Variants in DYRK3 observed in about 807,000 individuals in gnomAD.
DYRK3 encodes dual specificity tyrosine phosphorylation regulated kinase 3, also known as dual specificity tyrosine-phosphorylation-regulated kinase 3.
Under a neutral mutation model 40.8 loss-of-function variants are expected in DYRK3, and 30 were observed. The ratio of observed to expected loss-of-function variants is 0.74; its 90% CI spans 0.55 to 1.00. The LOEUF (loss-of-function observed/expected upper bound fraction) is 1.00. Ranked by LOEUF, DYRK3 falls within the 50% of genes least tolerant of loss-of-function variation. The pLI is 0.00. For synonymous variants in DYRK3, 272 were observed against 260.7 expected (o/e 1.04, Z -0.42); for missense variants, 699 against 731.5 (o/e 0.96, Z 0.51).
Position 206,651,444 on chromosome 1 carries a change from T to G in DYRK3, c.*2479T>G, listed in dbSNP as rs936662529. On this transcript the variant is annotated 3_prime_UTR_variant, in exon 3 of 3. Transcript: ENST00000367109. ...CTTCTTTCAACTACCAAGAAATGGA[T>G]GATTTCTCTGCCAACTCCAGGAAGT... 6.6e-6 allele frequency among the ~76,000 whole-genome samples: 1 copy of G among 152,262 alleles called. No individual in the cohort carries two copies. Among genetic ancestry groups the G allele is most frequent in the Middle Eastern group, 3.2e-3 (1 of 316 alleles).
rs565546671 is a variant in DYRK3 at position 206,650,966 on chromosome 1, T to C, written c.*2001T>C. 2.9e-4 allele frequency among the ~76,000 whole-genome samples: 44 copies of C among 152,310 alleles called. No homozygotes were observed. In the East Asian group the frequency reaches 7.1e-3, roughly 25 times the overall value. On this transcript the variant is annotated 3_prime_UTR_variant, in exon 3 of 3. Transcript: ENST00000367109. ...TTATTTAAAACCTTAATTATCTCCT[T>C]TACTCCTGGTTTACAGAAGGCAATA...
Position 206,649,860 on chromosome 1 carries a change from G to C in DYRK3, c.*895G>C, listed in dbSNP as rs1671584903. 6.6e-6 allele frequency among the ~76,000 whole-genome samples: 1 copy of C among 152,112 alleles called. No individual in the cohort carries two copies. The highest frequency in any genetic ancestry group is 1.5e-5 in the Non-Finnish European group (1 of 68,028). On this transcript the variant is annotated 3_prime_UTR_variant, in exon 3 of 3. Transcript: ENST00000367109. ...TTCCTTATAAAAGTAATCACTCTCG[G>C]ATAAACCTTACTACAGTTTAAAAAT...
intron 2 of DYRK3, among the ~76,000 whole-genome samples, chr1:206,638,369 C>G (rs1018765856): frequency 2.7e-5 from 4 of 150,538 alleles, no homozygotes; most frequent in African/African-American, 9.8e-5. Flanking sequence ...CTCTGCCTCC[C>G]GGGTTGAAGT....
At chr1:206,635,974 G>A (rs999342656) in intron 1 of DYRK3, 194 bp downstream of exon 1, 16 of 1,340,012 alleles carry the variant, frequency 1.2e-5, no homozygotes, top group South Asian at 4.0e-5. Flanking sequence ...TGTCTCACCG[G>A]GCGCGGGGGA....
intron 2 of DYRK3, among the ~76,000 whole-genome samples, 196 bp from the exon 3 acceptor site, chr1:206,647,192 G>A (rs4845123): frequency 0.27 from 40,785 of 151,944 alleles, 6,251 homozygotes; most frequent in Non-Finnish European, 0.35. Flanking sequence ...AGGGATGGCC[G>A]CAATATTCAG....
intron 2 of DYRK3, among the ~76,000 whole-genome samples, chr1:206,642,694 A>C (rs1249898496): frequency 6.6e-6 from 1 of 151,966 alleles, no homozygotes; most frequent in Non-Finnish European, 1.5e-5. Flanking sequence ...ACCAAACACC[A>C]CATGTTCTCA....
At chr1:206,645,456 A>T (rs1461566684) in intron 2 of DYRK3, among the ~76,000 whole-genome samples, 1 of 151,750 alleles carries the variant, frequency 6.6e-6, no homozygotes, top group Non-Finnish European at 1.5e-5. Context: ...TATTTTTAAG[A>T]ACAGATTTAA....
Position 206,647,994 on chromosome 1 carries a change from A to T in DYRK3, c.796A>T (p.Thr266Ser), listed in dbSNP as rs1553420510. The T allele has an allele frequency of 6.2e-7, 1 of 1,614,044 alleles. No homozygotes were observed. Residue 266 changes from threonine to serine, a missense_variant, in exon 3 of 3, where the codon ACT (threonine) becomes TCT (serine). Thr to Ser is a moderately conservative substitution (Grantham distance 58). Transcript: ENST00000367109. ...ILEHLKKQDK[T>S]GSMNVIHMLE... ...GGAGCATCTTAAGAAACAGGATAAAACTGGTAGTATGAACGTTATCCACAT... is the reference window on the plus strand; with the variant it reads ...GGAGCATCTTAAGAAACAGGATAAATCTGGTAGTATGAACGTTATCCACAT...
Position 206,652,263 on chromosome 1 carries a change from A to C in DYRK3, c.*3298A>C, listed in dbSNP as rs1671651033. ...TTTTGCCAGTTGTTATCAGTGTTGA[A>C]GAACTGCTCCTGTAAGCAAACTGTT... On this transcript the variant is annotated 3_prime_UTR_variant, in exon 3 of 3. Transcript: ENST00000367109. Among the ~76,000 whole-genome samples the C allele has an allele frequency of 6.6e-6, 1 of 152,216 alleles. No individual in the cohort carries two copies. The highest frequency in any genetic ancestry group is 1.5e-5 in the Non-Finnish European group (1 of 68,050).
chr1:206,635,806 TG>T, intron 1 of DYRK3, 26 bp downstream of exon 1: 1 of 1,244,676 alleles, frequency 8.0e-7, no homozygotes, highest in Non-Finnish European at 1.0e-6. Flanking sequence ...GGTAACGGGC[TG>T]GAGGCGCCAC....
In DYRK3 at chr1:206,637,641, T is replaced by G; in HGVS notation, c.78-9T>G. ...CCTGACAGATTTTGTCTGTAATCCT[T>G]TTAACTAGGTTGGGGGATGGTGTCT... On this transcript the variant is annotated splice_polypyrimidine_tract_variant and intron_variant, in intron 1 of 2. Transcript: ENST00000367109. 1.2e-6 allele frequency: 2 copies of G among 1,602,314 alleles called. No individual in the cohort carries two copies. Among genetic ancestry groups the G allele is most frequent in the Non-Finnish European group, 8.5e-7 (1 of 1,169,960 alleles).
At chr1:206,643,037 C>A (rs1017020603) in intron 2 of DYRK3, among the ~76,000 whole-genome samples, 12 of 152,100 alleles carry the variant, frequency 7.9e-5, no homozygotes, top group Admixed American at 6.6e-5. Context: ...TGATGGTGGA[C>A]TACACTGAAG....
rs200805518 is a variant in DYRK3, at chr1:206,649,085, A to C, written c.*120A>C. 5.7e-6 allele frequency: 6 copies of C among 1,048,782 alleles called. No homozygotes were observed. The highest frequency in any genetic ancestry group is 6.7e-6 in the Non-Finnish European group (5 of 744,602). 65.0% of individuals were successfully genotyped at this position (1,048,782 alleles called of 1,614,324 possible). A position where few individuals can be genotyped will look rare whatever the true frequency, so the allele number is the denominator to read the frequency against. On this transcript the variant is annotated 3_prime_UTR_variant, in exon 3 of 3. Coordinates refer to ENST00000367109, the MANE Select transcript of DYRK3 (RefSeq NM_003582.4). ...TTGTTAGAGTAGACTTTTTTTAAAC[A>C]AGACAAAACATTTTTATATGATTAT... is the stretch of plus-strand genomic sequence containing the variant.
At chr1:206,636,112 G>T (rs1553418286) in intron 1 of DYRK3, 1 of 1,375,900 alleles carries the variant, frequency 7.3e-7, no homozygotes, top group Non-Finnish European at 9.8e-7. Flanking sequence ...TATTAAAGGG[G>T]GGGAGCCCGG....
rs1553421009 is a variant in DYRK3, at chr1:206,649,298, ACTC to A, written c.*337_*339del. ...AAGGTGTAGCAAAAGTATCCCAACTACTCCTCGCTTCTAGTGTCCCTCGGCATC... is the reference window on the plus strand; with the variant it reads ...AAGGTGTAGCAAAAGTATCCCAACTACTCGCTTCTAGTGTCCCTCGGCATC... On this transcript the variant is annotated 3_prime_UTR_variant, in exon 3 of 3. Coordinates refer to ENST00000367109, the MANE Select transcript of DYRK3 (RefSeq NM_003582.4). 4.6e-6 allele frequency: 1 copy of A among 219,616 alleles called. No individual in the cohort carries two copies. Among genetic ancestry groups the A allele is most frequent in the Non-Finnish European group, 9.2e-6 (1 of 108,986 alleles). 13.6% of individuals were successfully genotyped at this position (219,616 alleles called of 1,614,324 possible). A position where few individuals can be genotyped will look rare whatever the true frequency, so the allele number is the denominator to read the frequency against.
rs576395281 is a variant in DYRK3 at position 206,641,859 on chromosome 1, T to C, written c.189+4098T>C. Among the ~76,000 whole-genome samples the C allele has an allele frequency of 1.2e-3, 186 of 150,794 alleles. 4 individuals are homozygous for C. The highest frequency in any genetic ancestry group is 1.9e-3 in the Non-Finnish European group (129 of 68,010). ...AACCTAGGCAATACCATTCAGGACA[T>C]AGGCATAGGCAAGGACTTCATGTCT... On this transcript the variant is annotated intron_variant, in intron 2 of 2. Transcript: ENST00000367109.
rs1671508892 is a variant in DYRK3 at position 206,647,978 on chromosome 1, TAA to T, written c.781_782del (p.Lys261GlufsTer4). The T allele has an allele frequency of 6.2e-7, 1 of 1,613,980 alleles. No homozygotes were observed. Among genetic ancestry groups the T allele is most frequent in the Non-Finnish European group, 8.5e-7 (1 of 1,180,022 alleles). ...AEEIRILEHL[K>X]KQDKTGSMNV... is the part of the protein sequence containing the mutation. ...AGGAGATCCGGATTTTGGAGCATCT[TAA>T]GAAACAGGATAAAACTGGTAGTATG... On this transcript the variant is annotated frameshift_variant, in exon 3 of 3. Coordinates refer to ENST00000367109, the MANE Select transcript of DYRK3 (RefSeq NM_003582.4). LOFTEE classifies it high-confidence loss of function.
chr1:206,642,057 A>G (rs1448714190), intron 2 of DYRK3, among the ~76,000 whole-genome samples: 1 of 150,742 alleles, frequency 6.6e-6, no homozygotes, highest in Non-Finnish European at 1.5e-5. Context: ...TCCAGAATCT[A>G]CAAAGAACTT....
In DYRK3 at chr1:206,648,459, A is replaced by G; in HGVS notation, c.1261A>G (p.Met421Val). ...GEDEGDQLACMMELLGMPPPK... is the reference protein window; with the variant it reads ...GEDEGDQLACVMELLGMPPPK... ...GGATGAAGGAGACCAGTTGGCCTGCATGATGGAGCTTCTAGGGATGCCACC... is the reference window on the plus strand; with the variant it reads ...GGATGAAGGAGACCAGTTGGCCTGCGTGATGGAGCTTCTAGGGATGCCACC... The change falls in exon 3 of 3, where the codon ATG becomes GTG. Residue 421 changes from methionine (M) to valine (V), a missense_variant. By Grantham distance (21) the Met-to-Val change is conservative (BLOSUM62 1). Coordinates refer to ENST00000367109, the MANE Select transcript of DYRK3 (RefSeq NM_003582.4). The G allele has an allele frequency of 6.2e-7, 1 of 1,614,206 alleles. No homozygotes were observed. The highest frequency in any genetic ancestry group is 8.5e-7 in the Non-Finnish European group (1 of 1,180,030).
Sources: gnomAD v4.1 joint callset for allele counts (sites outside exome capture counted in the v4.1 genomes callset) on GRCh38, gnomAD v4.1.1 for gene constraint, MANE v1.5 for transcripts, NCBI Gene and HGNC (gene_info 2026-07-23, HGNC 2026-07-21) for gene names.